The following KPNA5 variants were observed in gnomAD, a reference collection of about 807,000 sequenced individuals.
KPNA5 encodes the protein karyopherin subunit alpha 5.
Under a neutral mutation model 71.3 loss-of-function variants are expected in KPNA5, and 46 were observed. The observed-to-expected ratio is 0.65, with a 90% confidence interval of 0.51 to 0.83. KPNA5 has a LOEUF of 0.83. KPNA5 is among the 40% of genes least tolerant of loss of function. The pLI, the probability that KPNA5 is intolerant of heterozygous loss-of-function variation, is 0.00. For synonymous variants in KPNA5, 207 were observed against 201.4 expected, an observed-to-expected ratio of 1.03 and a Z score of -0.24; for missense variants, 547 against 628.3, an observed-to-expected ratio of 0.87 and a Z score of 1.38.
At chr6:116,691,086 G>A (rs1317410293) in intron 2 of KPNA5, among the ~76,000 whole-genome samples, 2 of 152,164 alleles carry the variant, frequency 1.3e-5, no homozygotes, top group East Asian at 1.9e-4. Flanking sequence ...AAAATTAGCC[G>A]AGCATGGTGG....
At chr6:116,731,665 A>C (rs1460617653) in intron 13 of KPNA5, among the ~76,000 whole-genome samples, 3 of 152,060 alleles carry the variant, frequency 2.0e-5, no homozygotes, top group Non-Finnish European at 2.9e-5. Flanking sequence ...TGGGTTTGGA[A>C]ATTTTACACA....
rs1156758019 is a variant in KPNA5 at position 116,738,363 on chromosome 6, C to T, written c.*6040C>T. The T allele has an allele frequency of 6.6e-6, 1 of 152,120 alleles. No individual in the cohort carries two copies. The highest frequency in any genetic ancestry group is 1.5e-5 in the Non-Finnish European group (1 of 68,076). The allele number at this position is 152,120 out of a possible 1,614,324, so 9.4% of individuals were successfully genotyped here. A position where few individuals can be genotyped will look rare whatever the true frequency, so the allele number is the denominator to read the frequency against. Reference sequence around the variant, plus strand: ...CTGAAATTGTGGCAATAATCAATAGCTTACCAACAAAAAGAGTCCAGGACC... The same window carrying T: ...CTGAAATTGTGGCAATAATCAATAGTTTACCAACAAAAAGAGTCCAGGACC... On this transcript the variant is annotated 3_prime_UTR_variant, in exon 14 of 14. Transcript: ENST00000368564.
chr6:116,694,274 A>G (rs940143809), intron 4 of KPNA5, among the ~76,000 whole-genome samples: 2 of 152,190 alleles, frequency 1.3e-5, no homozygotes, highest in African/African-American at 4.8e-5. Context: ...TTCTGTGAAG[A>G]AAGTCATTAA....
At position 116,739,589 on chromosome 6, in the gene KPNA5, C is replaced by T. The variant is rs1779794990; in HGVS notation, c.*7266C>T. On this transcript the variant is annotated 3_prime_UTR_variant, in exon 14 of 14. Transcript: ENST00000368564. ...CAGCTGGAAGCATCACGCTACCTGA[C>T]TTCAAACTATACTATAAGGCGACAG... 1 of 152,270 alleles carries T rather than the reference C, an allele frequency of 6.6e-6. No homozygotes were observed. The highest frequency in any genetic ancestry group is 2.4e-5 in the African/African-American group (1 of 41,440). The allele number at this position is 152,270 out of a possible 1,614,324, so 9.4% of individuals were successfully genotyped here.
chr6:116,706,151 CTT>C (rs1189059738), intron 7 of KPNA5, among the ~76,000 whole-genome samples: 1 of 152,186 alleles, frequency 6.6e-6, no homozygotes, highest in Non-Finnish European at 1.5e-5. Context: ...CAATTTGAGA[CTT>C]GTCTCACCTG....
chr6:116,731,257 C>A (rs1290790179), intron 13 of KPNA5, among the ~76,000 whole-genome samples: 1 of 152,020 alleles, frequency 6.6e-6, no homozygotes, highest in Non-Finnish European at 1.5e-5. Context: ...ATTCTTAAAG[C>A]CCATGATATC....
intron 4 of KPNA5, among the ~76,000 whole-genome samples, chr6:116,693,522 C>T (rs1262806213): frequency 6.6e-6 from 1 of 152,196 alleles, no homozygotes; most frequent in Admixed American, 6.5e-5. Flanking sequence ...CTTTTGGCTG[C>T]ATGAATGTCT....
chr6:116,726,743 A>G (rs924801882), intron 12 of KPNA5, 121 bp downstream of exon 12: 1 of 888,060 alleles, frequency 1.1e-6, no homozygotes, highest in Non-Finnish European at 1.6e-6. Context: ...ATAATATGAA[A>G]TGACAGCATG....
intron 4 of KPNA5, among the ~76,000 whole-genome samples, chr6:116,693,945 T>C (rs1320438120): frequency 6.8e-6 from 1 of 147,652 alleles, no homozygotes; most frequent in African/African-American, 2.4e-5. Context: ...AGTTTCAGCT[T>C]TCTACATATG....
rs761470503 is a variant in KPNA5 at position 116,732,288 on chromosome 6, C to G, written c.1585C>G (p.Gln529Glu). ...AAACCAACAACAGTTTATATTTCAG[C>G]AGCAGGAAGCACCAATGGATGGATT... ...DENQQQFIFQ[Q>E]QEAPMDGFQL The change falls in exon 14 of 14, where the codon CAG (glutamine) becomes GAG (glutamate). Residue 529 changes from glutamine (Q) to glutamate (E), a missense_variant. Coordinates refer to ENST00000368564, the MANE Select transcript of KPNA5 (RefSeq NM_001366306.2). 6.6e-7 allele frequency: 1 copy of G among 1,524,258 alleles called. No homozygotes were observed. Among genetic ancestry groups the G allele is most frequent in the Non-Finnish European group, 8.8e-7 (1 of 1,132,864 alleles). 94.4% of individuals were successfully genotyped at this position (1,524,258 alleles called of 1,614,324 possible).
Position 116,692,167 on chromosome 6 carries a change from C to G in KPNA5, c.240+11C>G. On this transcript the variant is annotated intron_variant, in intron 3 of 13. Transcript: ENST00000368564. ...GTACCCATTCCAGAGGTATACTTTA[C>G]CAAAATATGTTTCAAATTATACCTC... 1 of 1,557,440 alleles carries G rather than the reference C, an allele frequency of 6.4e-7. No individual in the cohort carries two copies. Among genetic ancestry groups the G allele is most frequent in the Non-Finnish European group, 8.8e-7 (1 of 1,135,232 alleles).
At chr6:116,729,458 T>A in intron 12 of KPNA5, 105 bp from the exon 13 acceptor site, 1 of 658,386 alleles carries the variant, frequency 1.5e-6, no homozygotes, top group South Asian at 5.5e-5. Flanking sequence ...ATTGCTTATG[T>A]AACATTTCAC....
At chr6:116,718,781 T>A (rs576677490) in intron 8 of KPNA5, among the ~76,000 whole-genome samples, 4 of 151,982 alleles carry the variant, frequency 2.6e-5, no homozygotes, top group African/African-American at 9.7e-5. Context: ...TTTTCTTCTT[T>A]TTTTGAGATG....
At chr6:116,724,122 C>A (rs1457629897) in intron 9 of KPNA5, among the ~76,000 whole-genome samples, 175 bp from the exon 10 acceptor site, 2 of 152,052 alleles carry the variant, frequency 1.3e-5, no homozygotes, top group African/African-American at 4.8e-5. Context: ...TGAAAACTGG[C>A]TGTAATGAAC....
At chr6:116,695,049 C>T (rs180931955) in intron 4 of KPNA5, among the ~76,000 whole-genome samples, 1 of 152,208 alleles carries the variant, frequency 6.6e-6, no homozygotes, top group African/African-American at 2.4e-5. Flanking sequence ...TTTCCAGGCT[C>T]AGGTGATTCT....
intron 8 of KPNA5, among the ~76,000 whole-genome samples, chr6:116,718,416 C>T (rs1368129291): frequency 2.0e-5 from 3 of 151,762 alleles, no homozygotes; most frequent in Non-Finnish European, 2.9e-5. Context: ...GCGCATGCTA[C>T]CTCGCCCAGC....
intron 1 of KPNA5, among the ~76,000 whole-genome samples, chr6:116,686,482 T>G (rs1266585834): frequency 6.6e-6 from 1 of 152,182 alleles, no homozygotes; most frequent in African/African-American, 2.4e-5. Flanking sequence ...TGCAACAATT[T>G]TCTCCCATTC....
rs1779555042 is a variant in KPNA5 at position 116,733,113 on chromosome 6, TTTA to T, written c.*793_*795del. 1.3e-5 allele frequency: 2 copies of T among 151,932 alleles called. No homozygotes were observed. Among genetic ancestry groups the T allele is most frequent in the South Asian group, 2.1e-4 (1 of 4,828 alleles). 9.4% of individuals were successfully genotyped at this position (151,932 alleles called of 1,614,324 possible). ...TATGCTACCATTTTTGAAATAGTGT[TTTA>T]TTGTTTTTCACTCATTGTTTTAAAG... On this transcript the variant is annotated 3_prime_UTR_variant, in exon 14 of 14. Coordinates refer to ENST00000368564, the MANE Select transcript of KPNA5 (RefSeq NM_001366306.2).
At chr6:116,699,534 A>G (rs143385412) in intron 5 of KPNA5, among the ~76,000 whole-genome samples, 9 of 152,330 alleles carry the variant, frequency 5.9e-5, no homozygotes, top group Middle Eastern at 3.4e-3. Flanking sequence ...ACTTAAGAGT[A>G]GTGGTCTACT....
Sources: allele counts gnomAD v4.1 joint callset (sites outside exome capture counted in the v4.1 genomes callset), GRCh38; gene constraint gnomAD v4.1.1; transcripts MANE v1.5; gene names NCBI Gene and HGNC (gene_info 2026-07-23, HGNC 2026-07-21).